KCNH5: variants seen among roughly 807,000 people sequenced by gnomAD.
KCNH5 encodes potassium voltage-gated channel subfamily H member 5.
Under a neutral mutation model 96.1 loss-of-function variants are expected in KCNH5, and 46 were observed. That is an observed-to-expected ratio of 0.48 (90% CI 0.38 to 0.61). The LOEUF (loss-of-function observed/expected upper bound fraction) is 0.61, where lower values mean the gene tolerates loss of function less well. Among genes scored for constraint, KCNH5 ranks in the 20% least tolerant of loss-of-function variants. KCNH5 has a pLI of 0.00. For missense variants in KCNH5, 907 were observed against 1,225.8 expected, an observed-to-expected ratio of 0.74 and a Z score of 3.88; for synonymous variants, 439 against 449.8, an observed-to-expected ratio of 0.98 and a Z score of 0.30.
At chr14:63,033,925 T>C (rs1891676001) in intron 1 of KCNH5, among the ~76,000 whole-genome samples, 1 of 152,162 alleles carries the variant, frequency 6.6e-6, no homozygotes, top group Non-Finnish European at 1.5e-5. Context: ...TTTTGTTTGT[T>C]TGTTTTTTGC....
chr14:62,983,400 G>GTATATATACA (rs1890647488), intron 5 of KCNH5, among the ~76,000 whole-genome samples: 1 of 151,072 alleles, frequency 6.6e-6, no homozygotes, highest in East Asian at 1.9e-4. Flanking sequence ...AAGTGTGTAT[G>GTATATATACA]TATATATACA....
chr14:62,775,532 G>A (rs751377658), intron 10 of KCNH5, among the ~76,000 whole-genome samples: 3 of 152,082 alleles, frequency 2.0e-5, no homozygotes, highest in Admixed American at 6.5e-5. Context: ...CAGCTGTCTC[G>A]TTCACAGATG....
At chr14:62,806,568 C>T (rs949037552) in intron 8 of KCNH5, among the ~76,000 whole-genome samples, 7 of 152,124 alleles carry the variant, frequency 4.6e-5, no homozygotes, top group African/African-American at 1.7e-4. Context: ...AGGAAGCAGA[C>T]CGCAGCACTG....
chr14:62,853,151 C>G (rs958060273), intron 7 of KCNH5, among the ~76,000 whole-genome samples: 3 of 152,078 alleles, frequency 2.0e-5, no homozygotes, highest in Non-Finnish European at 4.4e-5. Flanking sequence ...ATATCTGATC[C>G]ATCAACAATT....
intron 7 of KCNH5, among the ~76,000 whole-genome samples, chr14:62,876,308 A>G (rs945681366): frequency 6.6e-6 from 1 of 152,232 alleles, no homozygotes; most frequent in African/African-American, 2.4e-5. Context: ...TAAATAATGC[A>G]TACTCACTCT....
chr14:62,905,166 T>A, intron 7 of KCNH5, among the ~76,000 whole-genome samples: 1 of 152,178 alleles, frequency 6.6e-6, no homozygotes, highest in East Asian at 1.9e-4. Flanking sequence ...CCCCATCTTC[T>A]TTTTTTGTCC....
chr14:62,852,777 G>A (rs1224307277), intron 7 of KCNH5, among the ~76,000 whole-genome samples: 1 of 152,120 alleles, frequency 6.6e-6, no homozygotes, highest in Non-Finnish European at 1.5e-5. Context: ...AAGAGATAAT[G>A]TGACAGCATG....
intron 7 of KCNH5, among the ~76,000 whole-genome samples, chr14:62,945,294 C>A (rs544967765): frequency 1.3e-5 from 2 of 152,176 alleles, no homozygotes; most frequent in South Asian, 4.2e-4. Context: ...AAAGGAATGA[C>A]TACACCCCCA....
At chr14:62,796,840 T>A (rs1439788439) in intron 9 of KCNH5, among the ~76,000 whole-genome samples, 1 of 152,102 alleles carries the variant, frequency 6.6e-6, no homozygotes, top group East Asian at 1.9e-4. Context: ...GTGGGACAAC[T>A]TGAAGCAAAG....
chr14:62,787,390 A>G (rs898003671), intron 9 of KCNH5, among the ~76,000 whole-genome samples: 1 of 152,190 alleles, frequency 6.6e-6, no homozygotes, highest in African/African-American at 2.4e-5. Context: ...AAAAGTTTGA[A>G]GCTAGCAGAG....
chr14:62,779,580 T>A (rs1274390500), intron 10 of KCNH5, 148 bp downstream of exon 10: 1 of 572,230 alleles, frequency 1.7e-6, no homozygotes, highest in African/African-American at 1.9e-5. Flanking sequence ...AAACAAAATA[T>A]AAATAAAGAG....
chr14:62,984,426 G>A (rs1302095875), intron 5 of KCNH5, among the ~76,000 whole-genome samples: 1 of 152,148 alleles, frequency 6.6e-6, no homozygotes, highest in African/African-American at 2.4e-5. Context: ...GGATCAGGTA[G>A]AATTGAGATC....
chr14:62,978,080 A>G (rs1890535200), intron 6 of KCNH5, among the ~76,000 whole-genome samples: 1 of 152,210 alleles, frequency 6.6e-6, no homozygotes. Context: ...GAGATCAGAA[A>G]AGGCAGCAGC....
intron 7 of KCNH5, among the ~76,000 whole-genome samples, chr14:62,940,053 G>A (rs1889759430): frequency 6.6e-6 from 1 of 152,140 alleles, no homozygotes; most frequent in African/African-American, 2.4e-5. Context: ...TTACATAACT[G>A]ATATAAATTC....
At chr14:62,794,820 G>C (rs1886506405) in intron 9 of KCNH5, among the ~76,000 whole-genome samples, 1 of 151,968 alleles carries the variant, frequency 6.6e-6, no homozygotes. Context: ...AAATGTTTAT[G>C]TATTAATGAA....
chr14:62,801,297 A>G (rs903909028), intron 9 of KCNH5, among the ~76,000 whole-genome samples: 1 of 151,480 alleles, frequency 6.6e-6, no homozygotes, highest in African/African-American at 2.4e-5. Flanking sequence ...AATTGAGCTC[A>G]TTTTTCATGA....
intron 1 of KCNH5, among the ~76,000 whole-genome samples, chr14:63,032,928 C>T (rs997441441): frequency 2.0e-5 from 3 of 152,188 alleles, no homozygotes; most frequent in African/African-American, 4.8e-5. Context: ...ATCTTCCCTA[C>T]CTCCATCTGC....
In KCNH5 at chr14:62,707,818, T is replaced by C; in HGVS notation, c.2657A>G (p.Glu886Gly). ...GGCATCAGCCTGGATGGGACTGTGC[T>C]CTAGCGGACTTCGGGCCTCCCCAGC... ...DKAGEARSPL[E>G]HSPIQADAKH... Residue 886 changes from glutamate to glycine, a missense_variant, in exon 11 of 11, where the codon GAG becomes GGG. Glu to Gly is a moderately conservative substitution (Grantham distance 98). Coordinates refer to ENST00000322893, the MANE Select transcript of KCNH5 (RefSeq NM_139318.5). 6.2e-7 allele frequency: 1 copy of C among 1,614,184 alleles called. No homozygotes were observed. The highest frequency in any genetic ancestry group is 8.5e-7 in the Non-Finnish European group (1 of 1,180,040).
At chr14:62,892,566 G>T (rs1378091295) in intron 7 of KCNH5, among the ~76,000 whole-genome samples, 1 of 152,210 alleles carries the variant, frequency 6.6e-6, no homozygotes, top group Non-Finnish European at 1.5e-5. Context: ...CAATGTAAAT[G>T]AAATGGCCCT....
Sources: allele counts gnomAD v4.1 joint callset (sites outside exome capture counted in the v4.1 genomes callset), GRCh38; gene constraint gnomAD v4.1.1; transcripts MANE v1.5; gene names NCBI Gene and HGNC (gene_info 2026-07-23, HGNC 2026-07-21).